Variants in SPAG17 observed in about 807,000 individuals in gnomAD.
SPAG17 encodes sperm associated antigen 17.
Under a neutral mutation model 273.6 loss-of-function variants are expected in SPAG17, and 169 were observed. The observed-to-expected ratio is 0.62, with a 90% CI of 0.55 to 0.70. SPAG17 has a LOEUF of 0.70. Among genes scored for constraint, SPAG17 ranks in the 30% least tolerant of loss-of-function variants. The pLI is 0.00. For synonymous variants in SPAG17, 825 were observed against 873.2 expected, an observed-to-expected ratio of 0.94 and a Z score of 0.97; for missense variants, 2,557 against 2,627.8, an observed-to-expected ratio of 0.97 and a Z score of 0.59.
chr1:118,064,932 T>C (rs974562294), intron 18 of SPAG17, among the ~76,000 whole-genome samples: 30 of 151,704 alleles, frequency 2.0e-4, no homozygotes, highest in African/African-American at 7.2e-4. Flanking sequence ...ATTTAAGAAG[T>C]TAAAGAACAT....
At chr1:118,073,144 GT>G (rs1367826022) in intron 17 of SPAG17, among the ~76,000 whole-genome samples, 1 of 152,158 alleles carries the variant, frequency 6.6e-6, no homozygotes, top group East Asian at 1.9e-4. Context: ...AAGAGGACAA[GT>G]TTTTGTGTAA....
At chr1:118,012,472 C>T in intron 29 of SPAG17, 100 bp from the exon 30 acceptor site, 1 of 1,354,634 alleles carries the variant, frequency 7.4e-7, no homozygotes. Flanking sequence ...CATCAAAGTC[C>T]TAGTTATTTA....
intron 3 of SPAG17, among the ~76,000 whole-genome samples, chr1:118,125,518 C>T (rs1657670095): frequency 6.6e-6 from 1 of 152,098 alleles, no homozygotes; most frequent in Admixed American, 6.6e-5. Context: ...CCAACCTCTC[C>T]CTTTCTTCCC....
At chr1:118,085,659 A>C (rs1054900506) in intron 13 of SPAG17, among the ~76,000 whole-genome samples, 2 of 152,196 alleles carry the variant, frequency 1.3e-5, no homozygotes, top group African/African-American at 4.8e-5. Flanking sequence ...CGAGGAAAAA[A>C]GGGAATTATT....
In SPAG17 at chr1:118,099,783, C is replaced by T; in HGVS notation, c.652G>A (p.Gly218Ser). The change falls in exon 6 of 49, where the codon GGT becomes AGT. Residue 218 changes from glycine to serine, a missense_variant. By Grantham distance (56) the Gly-to-Ser change is moderately conservative. Transcript: ENST00000336338. ...ACAACTATAATGTAATGTTGGGCAC[C>T]ATCATCTGGCTCATCGTCTGTTCAA... is the stretch of plus-strand genomic sequence containing the variant. ...NRYIDDEPDD[G>S]AQHYIIVVGF... The T allele has an allele frequency of 6.2e-7, 1 of 1,612,360 alleles. No homozygotes were observed. Among genetic ancestry groups the T allele is most frequent in the Non-Finnish European group, 8.5e-7 (1 of 1,179,770 alleles).
In SPAG17 at chr1:117,972,555, A is replaced by T. The variant is rs181788975; in HGVS notation, c.6142-508T>A. Among the ~76,000 whole-genome samples, 13 of 152,350 alleles carry T rather than the reference A, an allele frequency of 8.5e-5. No homozygotes were observed. The East Asian group carries it at 2.5e-3, about 29-fold the overall frequency. ...TTGGTCTGTGCCCTTATTATTCCTCACATCAGCAGTGCTGACATCATCTCA... is the reference window on the plus strand; with the variant it reads ...TTGGTCTGTGCCCTTATTATTCCTCTCATCAGCAGTGCTGACATCATCTCA... On this transcript the variant is annotated intron_variant, in intron 44 of 48. Transcript: ENST00000336338.
intron 43 of SPAG17, among the ~76,000 whole-genome samples, chr1:117,978,308 G>C (rs1655356595): frequency 1.3e-5 from 2 of 152,146 alleles, no homozygotes; most frequent in Non-Finnish European, 2.9e-5. Flanking sequence ...GCCTGCAAAT[G>C]TATCCCTACT....
At chr1:118,116,302 C>T (rs1009746607) in intron 3 of SPAG17, among the ~76,000 whole-genome samples, 1 of 152,194 alleles carries the variant, frequency 6.6e-6, no homozygotes, top group East Asian at 1.9e-4. Flanking sequence ...TTCACCTCTG[C>T]CTGAAGCATT....
At chr1:118,168,914 T>C (rs778700207) in intron 1 of SPAG17, among the ~76,000 whole-genome samples, 2 of 152,102 alleles carry the variant, frequency 1.3e-5, no homozygotes, top group Non-Finnish European at 1.5e-5. Flanking sequence ...ACCATTTGAC[T>C]GGAGTAGAGG....
At chr1:118,114,254 G>A (rs1328348821) in intron 4 of SPAG17, among the ~76,000 whole-genome samples, 1 of 152,064 alleles carries the variant, frequency 6.6e-6, no homozygotes, top group African/African-American at 2.4e-5. Context: ...TATCAATTAT[G>A]TTAATATGAA....
chr1:118,033,179 C>T (rs986669305), intron 24 of SPAG17, among the ~76,000 whole-genome samples: 1 of 152,172 alleles, frequency 6.6e-6, no homozygotes, highest in Admixed American at 6.5e-5. Flanking sequence ...CCAAAATTAA[C>T]ATCTCAAGGC....
intron 3 of SPAG17, among the ~76,000 whole-genome samples, chr1:118,116,015 TG>T (rs1005351368): frequency 5.3e-5 from 8 of 152,294 alleles, no homozygotes; most frequent in African/African-American, 1.7e-4. Context: ...GCAGCCTAAT[TG>T]GGGTGAAATA....
chr1:117,982,171 G>T (rs940760330), intron 42 of SPAG17, among the ~76,000 whole-genome samples: 7 of 151,590 alleles, frequency 4.6e-5, no homozygotes, highest in African/African-American at 1.7e-4. Context: ...TATTTCTATT[G>T]TATGCGTTCA....
chr1:118,039,812 A>T (rs1298683019), intron 22 of SPAG17, among the ~76,000 whole-genome samples: 1 of 152,190 alleles, frequency 6.6e-6, no homozygotes, highest in Non-Finnish European at 1.5e-5. Flanking sequence ...TAGAATATAA[A>T]ACCAGGGAGA....
chr1:118,041,456 A>T (rs901451753), intron 21 of SPAG17, among the ~76,000 whole-genome samples: 3 of 152,106 alleles, frequency 2.0e-5, no homozygotes, highest in African/African-American at 7.2e-5. Context: ...AACAAAATGT[A>T]GTCAGCAAGT....
intron 30 of SPAG17, among the ~76,000 whole-genome samples, chr1:118,010,638 C>T (rs565263397): frequency 1.6e-4 from 24 of 152,256 alleles, no homozygotes; most frequent in African/African-American, 5.8e-4. Context: ...CAATACCATT[C>T]TAGACGTAGC....
At chr1:118,050,056 T>C (rs183057206) in intron 20 of SPAG17, among the ~76,000 whole-genome samples, 100 of 152,256 alleles carry the variant, frequency 6.6e-4, no homozygotes, top group African/African-American at 2.2e-3. Flanking sequence ...TCTCTAGGAA[T>C]GCTAGACTGG....
At chr1:118,149,459 A>G (rs1489666973) in intron 3 of SPAG17, among the ~76,000 whole-genome samples, 3 of 152,218 alleles carry the variant, frequency 2.0e-5, no homozygotes, top group African/African-American at 7.2e-5. Flanking sequence ...AAATTCCAGT[A>G]TTTTAAATCC....
At chr1:118,056,181 G>A (rs1376204946) in intron 18 of SPAG17, among the ~76,000 whole-genome samples, 1 of 152,024 alleles carries the variant, frequency 6.6e-6, no homozygotes, top group East Asian at 1.9e-4. Flanking sequence ...AATAAAAAAA[G>A]AAATAAGATC....
Sources: gnomAD v4.1 joint callset for allele counts (sites outside exome capture counted in the v4.1 genomes callset) on GRCh38, gnomAD v4.1.1 for gene constraint, MANE v1.5 for transcripts, NCBI Gene and HGNC (gene_info 2026-07-23, HGNC 2026-07-21) for gene names.